ATP2B4: variants seen among roughly 807,000 people sequenced by gnomAD.
ATP2B4 encodes the protein ATPase plasma membrane Ca2+ transporting 4, also known as plasma membrane calcium-transporting ATPase 4.
Under a neutral mutation model 110.3 loss-of-function variants are expected in ATP2B4, and 39 were observed. The ratio of observed to expected loss-of-function variants is 0.35; its 90% CI spans 0.27 to 0.46. The LOEUF (loss-of-function observed/expected upper bound fraction) is 0.46, where lower values mean the gene tolerates loss of function less well. Among genes scored for constraint, ATP2B4 ranks in the 20% least tolerant of loss-of-function variants. The pLI, the probability that ATP2B4 is intolerant of heterozygous loss-of-function variation, is 1.00. For synonymous variants in ATP2B4, 538 were observed against 571.7 expected, an observed-to-expected ratio of 0.94 and a Z score of 0.84; for missense variants, 1,135 against 1,530.9, an observed-to-expected ratio of 0.74 and a Z score of 4.32.
chr1:203,667,025 C>T (rs952134233), intron 1 of ATP2B4, among the ~76,000 whole-genome samples: 1 of 152,198 alleles, frequency 6.6e-6, no homozygotes, highest in African/African-American at 2.4e-5. Flanking sequence ...CATCTCCACT[C>T]ACTGCAACCT....
chr1:203,674,453 C>T (rs4600104), intron 1 of ATP2B4, among the ~76,000 whole-genome samples: 44,981 of 150,942 alleles, frequency 0.3, 6,921 homozygotes, highest in South Asian at 0.55. Context: ...AGGCTCTGGG[C>T]CTAAGGGACT....
chr1:203,726,979 C>T (rs912176623), intron 19 of ATP2B4, among the ~76,000 whole-genome samples: 1 of 152,214 alleles, frequency 6.6e-6, no homozygotes, highest in Non-Finnish European at 1.5e-5. Context: ...GGCAATATCA[C>T]CATCTTCTCC....
chr1:203,686,681 C>CTCTCT (rs1665191942), intron 2 of ATP2B4, among the ~76,000 whole-genome samples: 12 of 30,420 alleles, frequency 3.9e-4, no homozygotes, highest in Admixed American at 1.0e-3. Flanking sequence ...TCTTTCTTTT[C>CTCTCT]TTTCTTTTTT....
chr1:203,695,673 T>C (rs1051129681), intron 2 of ATP2B4, among the ~76,000 whole-genome samples: 28 of 152,050 alleles, frequency 1.8e-4, no homozygotes, highest in African/African-American at 6.5e-4. Flanking sequence ...CCTAACTGCA[T>C]AGGTGTGGAT....
rs771924477 is a variant in ATP2B4, at chr1:203,710,911, G to C, written c.1834G>C (p.Val612Leu). 6.2e-7 allele frequency: 1 copy of C among 1,614,082 alleles called. No individual in the cohort carries two copies. Among genetic ancestry groups the C allele is most frequent in the East Asian group, 2.2e-5 (1 of 44,874 alleles). ...NRILDRKGEA[V>L]PFKNKDRDDM... is the part of the protein sequence containing the mutation. Reference sequence around the variant, plus strand: ...AATCCTGGACCGGAAAGGGGAAGCAGTGCCATTCAAGAATAAAGACAGAGA... The same window carrying C: ...AATCCTGGACCGGAAAGGGGAAGCACTGCCATTCAAGAATAAAGACAGAGA... The change falls in exon 12 of 21, where the codon GTG (valine) becomes CTG (leucine). Residue 612 changes from valine to leucine, a missense_variant. By Grantham distance (32) the Val-to-Leu change is conservative. Coordinates refer to ENST00000357681, the MANE Select transcript of ATP2B4 (RefSeq NM_001684.5).
At chr1:203,654,180 C>T (rs1373319098) in intron 1 of ATP2B4, among the ~76,000 whole-genome samples, 1 of 151,756 alleles carries the variant, frequency 6.6e-6, no homozygotes. Flanking sequence ...GACAGGGTTG[C>T]ATCATATTGG....
At chr1:203,645,251 C>T (rs987431020) in intron 1 of ATP2B4, among the ~76,000 whole-genome samples, 1 of 152,140 alleles carries the variant, frequency 6.6e-6, no homozygotes, top group Non-Finnish European at 1.5e-5. Context: ...CTAACTTCCG[C>T]CCCAGTTTAA....
At position 203,707,238 on chromosome 1, in the gene ATP2B4, A is replaced by G. The variant is rs777114112; in HGVS notation, c.1314+15A>G. The stretch of plus-strand genomic sequence containing the variant: ...ACTCTGTGAAGGTGAGACTAGAACA[A>G]TCCTATCTCTTCCTTTAGGATAGAG... On this transcript the variant is annotated intron_variant, in intron 9 of 20. Transcript: ENST00000357681. The G allele has an allele frequency of 3.6e-5, 57 of 1,601,358 alleles. No homozygotes were observed. The highest frequency in any genetic ancestry group is 4.7e-5 in the Non-Finnish European group (55 of 1,170,272).
At chr1:203,675,834 G>A (rs148999068) in intron 1 of ATP2B4, among the ~76,000 whole-genome samples, 10 of 152,256 alleles carry the variant, frequency 6.6e-5, no homozygotes, top group Non-Finnish European at 1.0e-4. Context: ...CTAAAAGGAT[G>A]TGGGCTTTCC....
chr1:203,653,833 A>G (rs935491296), intron 1 of ATP2B4, among the ~76,000 whole-genome samples: 2 of 152,112 alleles, frequency 1.3e-5, no homozygotes, highest in Non-Finnish European at 2.9e-5. Context: ...TTGGGATTAC[A>G]GGCGTGAGCC....
intron 15 of ATP2B4, 31 bp from the exon 16 acceptor site, chr1:203,720,518 C>T: frequency 6.4e-7 from 1 of 1,573,600 alleles, no homozygotes; most frequent in Non-Finnish European, 8.6e-7. Context: ...TTATCCACTC[C>T]CTCACTGTTT....
At chr1:203,657,779 A>G (rs1438642441) in intron 1 of ATP2B4, 4 of 631,774 alleles carry the variant, frequency 6.3e-6, no homozygotes, top group Non-Finnish European at 1.1e-5. Context: ...GCGCAGAACC[A>G]CCAGGAGTAG....
At chr1:203,663,672 A>G (rs113122020) in intron 1 of ATP2B4, among the ~76,000 whole-genome samples, 9,786 of 150,910 alleles carry the variant, frequency 0.065, 689 homozygotes, top group African/African-American at 0.19. Flanking sequence ...TGGTGTGATC[A>G]TAGCTTACCG....
At chr1:203,727,605 G>C in intron 20 of ATP2B4, 34 bp downstream of exon 20, 1 of 1,608,380 alleles carries the variant, frequency 6.2e-7, no homozygotes, top group Non-Finnish European at 8.5e-7. Flanking sequence ...TCCCTTGGGA[G>C]AAGCAGCTTC....
chr1:203,695,302 C>T (rs537315213), intron 2 of ATP2B4, among the ~76,000 whole-genome samples: 3 of 152,350 alleles, frequency 2.0e-5, no homozygotes, highest in South Asian at 2.1e-4. Context: ...GGAGAAAGGA[C>T]CAGCAAGGCC....
At chr1:203,732,283 C>A (rs1666752543) in intron 20 of ATP2B4, among the ~76,000 whole-genome samples, 1 of 152,188 alleles carries the variant, frequency 6.6e-6, no homozygotes, top group African/African-American at 2.4e-5. Context: ...GCTGTTTCAA[C>A]CACCACCAAC....
At chr1:203,662,304 G>A (rs529023370) in intron 1 of ATP2B4, among the ~76,000 whole-genome samples, 2 of 152,304 alleles carry the variant, frequency 1.3e-5, no homozygotes, top group Admixed American at 6.5e-5. Context: ...GGGATTACAG[G>A]CATGAGCCAC....
At chr1:203,701,256 C>T (rs1164018365) in intron 6 of ATP2B4, among the ~76,000 whole-genome samples, 1 of 152,122 alleles carries the variant, frequency 6.6e-6, no homozygotes, top group Non-Finnish European at 1.5e-5. Flanking sequence ...GTGTACTCCC[C>T]CTCCTTCCCC....
intron 1 of ATP2B4, among the ~76,000 whole-genome samples, chr1:203,650,133 G>A (rs1308327819): frequency 6.6e-6 from 1 of 152,262 alleles, no homozygotes; most frequent in Non-Finnish European, 1.5e-5. Context: ...CATAATGCAT[G>A]CATTGATCAA....
Sources: gnomAD v4.1 joint callset for allele counts (sites outside exome capture counted in the v4.1 genomes callset) on GRCh38, gnomAD v4.1.1 for gene constraint, MANE v1.5 for transcripts, NCBI Gene and HGNC (gene_info 2026-07-23, HGNC 2026-07-21) for gene names.